The following PLSCR2 variants were observed in gnomAD, a reference collection of about 807,000 sequenced individuals.
PLSCR2 encodes PL scramblase 2.
Under a neutral mutation model 25.3 loss-of-function variants are expected in PLSCR2, and 18 were observed. The ratio of observed to expected loss-of-function variants is 0.71; its 90% CI spans 0.49 to 1.06. The LOEUF (loss-of-function observed/expected upper bound fraction) is 1.06. Ranked by LOEUF, PLSCR2 falls within the 50% of genes least tolerant of loss-of-function variation. PLSCR2 has a pLI of 0.00. For missense variants in PLSCR2, 243 were observed against 269.5 expected, an observed-to-expected ratio of 0.90 and a Z score of 0.69; for synonymous variants, 88 against 87.3, an observed-to-expected ratio of 1.01 and a Z score of -0.04.
At chr3:146,486,343 C>T (rs771377123) in intron 1 of PLSCR2, among the ~76,000 whole-genome samples, 2 of 146,630 alleles carry the variant, frequency 1.4e-5, no homozygotes, top group African/African-American at 2.5e-5. Flanking sequence ...GAGACAGAGA[C>T]ATGAAAAACC....
At chr3:146,432,010 A>G (rs1576609815), downstream of PLSCR2, among the ~76,000 whole-genome samples, 2 of 151,920 alleles carry the variant, frequency 1.3e-5, no homozygotes, top group Non-Finnish European at 1.5e-5. Context: ...TTTACTTTAA[A>G]TTTTCTTTAA....
intron 1 of PLSCR2, among the ~76,000 whole-genome samples, chr3:146,471,802 G>A (rs1156848623): frequency 6.6e-6 from 1 of 152,114 alleles, no homozygotes; most frequent in African/African-American, 2.4e-5. Flanking sequence ...CCTCACCTCA[G>A]ATCCACCCAC....
chr3:146,428,054 G>T (rs1255509165), intron 2 of PLSCR2, among the ~76,000 whole-genome samples: 1 of 152,060 alleles, frequency 6.6e-6, no homozygotes, highest in African/African-American at 2.4e-5. Flanking sequence ...AAAGGATTTT[G>T]CAAACAAATG....
At chr3:146,397,159 G>A (rs1214711154) in intron 2 of PLSCR2, among the ~76,000 whole-genome samples, 4 of 151,992 alleles carry the variant, frequency 2.6e-5, no homozygotes, top group East Asian at 1.9e-4. Context: ...AAGGGATAAC[G>A]ACATATTTTT....
intron 1 of PLSCR2, among the ~76,000 whole-genome samples, chr3:146,471,625 G>GGC (rs1310986669): frequency 6.7e-6 from 1 of 149,592 alleles, no homozygotes; most frequent in Admixed American, 6.7e-5. Flanking sequence ...GGAGTGCAGT[G>GGC]GCACGATCTC....
intron 6 of PLSCR2, among the ~76,000 whole-genome samples, chr3:146,445,158 ATCT>A (rs2040476148): frequency 6.6e-6 from 1 of 152,140 alleles, no homozygotes; most frequent in Non-Finnish European, 1.5e-5. Context: ...TAATAGGCTC[ATCT>A]TCTAGTCTTT....
chr3:146,394,082 G>A (rs4389447), intron 3 of PLSCR2, among the ~76,000 whole-genome samples: 74,903 of 151,558 alleles, frequency 0.49, 19,225 homozygotes, highest in South Asian at 0.7. Flanking sequence ...TTTTGTTTCT[G>A]TTTCTATTTT....
chr3:146,461,731 G>T, upstream of PLSCR2: 1 of 664,434 alleles, frequency 1.5e-6, no homozygotes, highest in Non-Finnish European at 2.7e-6. Flanking sequence ...TCATAAGAAA[G>T]GAGGAGTATG....
chr3:146,495,887 T>G, intron 1 of PLSCR2: 1 of 1,534,466 alleles, frequency 6.5e-7, no homozygotes, highest in Admixed American at 2.0e-5. Flanking sequence ...CTACATGTCA[T>G]TGGCTACCTG....
At chr3:146,423,311 A>G (rs975539663) in intron 2 of PLSCR2, among the ~76,000 whole-genome samples, 45 of 144,208 alleles carry the variant, frequency 3.1e-4, no homozygotes, top group African/African-American at 1.1e-3. Flanking sequence ...AAGAAACTTA[A>G]TATTAACTCT....
chr3:146,493,069 A>C (rs1455943201), intron 1 of PLSCR2, among the ~76,000 whole-genome samples: 2 of 152,110 alleles, frequency 1.3e-5, no homozygotes, highest in Non-Finnish European at 2.9e-5. Context: ...GAAATAAATA[A>C]ATTTCTGGAA....
At chr3:146,478,719 G>A (rs979745689) in intron 1 of PLSCR2, among the ~76,000 whole-genome samples, 4 of 152,076 alleles carry the variant, frequency 2.6e-5, no homozygotes, top group Non-Finnish European at 5.9e-5. Context: ...GCAGGCCAAT[G>A]TTCAAATTCA....
At chr3:146,416,281 C>T (rs1576585582) in intron 2 of PLSCR2, among the ~76,000 whole-genome samples, 1 of 151,988 alleles carries the variant, frequency 6.6e-6, no homozygotes, top group East Asian at 1.9e-4. Context: ...AATGAGATTC[C>T]TAGGAAATAA....
At chr3:146,435,399 C>A (rs1417756720) in intron 8 of PLSCR2, among the ~76,000 whole-genome samples, 1 of 152,140 alleles carries the variant, frequency 6.6e-6, no homozygotes, top group East Asian at 1.9e-4. Flanking sequence ...CAGTGTAAAA[C>A]TGTTCCTATT....
intron 3 of PLSCR2, among the ~76,000 whole-genome samples, chr3:146,395,420 TTAAA>T (rs1451819781): frequency 1.3e-5 from 2 of 152,302 alleles, no homozygotes; most frequent in East Asian, 1.9e-4. Flanking sequence ...ATATTACCAT[TTAAA>T]TAAAGTGTAA....
chr3:146,455,089 C>T, intron 4 of PLSCR2, 150 bp downstream of exon 4: 1 of 614,640 alleles, frequency 1.6e-6, no homozygotes, highest in South Asian at 2.1e-5. Flanking sequence ...GTTTACTTGC[C>T]TTCCTTCTTA....
intron 2 of PLSCR2, among the ~76,000 whole-genome samples, chr3:146,405,424 C>T (rs780259712): frequency 9.9e-5 from 15 of 151,962 alleles, no homozygotes; most frequent in Non-Finnish European, 2.1e-4. Context: ...GAAGGGGCTG[C>T]CAGTGAAAGA....
chr3:146,409,064 G>A (rs942513158), intron 2 of PLSCR2, among the ~76,000 whole-genome samples: 1 of 152,094 alleles, frequency 6.6e-6, no homozygotes, highest in Non-Finnish European at 1.5e-5. Flanking sequence ...TCCGGAGTAC[G>A]GACTCCATCA....
At chr3:146,426,272 T>TC (rs2039348063) in intron 2 of PLSCR2, among the ~76,000 whole-genome samples, 1 of 141,114 alleles carries the variant, frequency 7.1e-6, no homozygotes, top group African/African-American at 2.6e-5. Flanking sequence ...CTTCCTTCCT[T>TC]CTTTTCTTCC....
Sources: gnomAD v4.1 joint callset for allele counts (sites outside exome capture counted in the v4.1 genomes callset) on GRCh38, gnomAD v4.1.1 for gene constraint, MANE v1.5 for transcripts, NCBI Gene and HGNC (gene_info 2026-07-23, HGNC 2026-07-21) for gene names.